Variants in HCN1 observed in about 807,000 individuals in gnomAD.
HCN1 encodes hyperpolarization activated cyclic nucleotide gated potassium channel 1.
Under a neutral mutation model 78.9 loss-of-function variants are expected in HCN1, and 13 were observed. The ratio of observed to expected loss-of-function variants is 0.16; its 90% confidence interval spans 0.11 to 0.26. HCN1 has a LOEUF of 0.26. HCN1 is among the 10% of genes least tolerant of loss of function. The pLI is 1.00. For missense variants in HCN1, 810 were observed against 1,154.3 expected (o/e 0.70, Z 4.32); for synonymous variants, 552 against 455.5 (o/e 1.21, Z -2.70).
chr5:45,295,603 T>C (rs777593578), intron 6 of HCN1, among the ~76,000 whole-genome samples: 2 of 152,034 alleles, frequency 1.3e-5, no homozygotes, highest in Admixed American at 1.3e-4. Flanking sequence ...AATCAAGTTA[T>C]GCACAGAATT....
chr5:45,666,588 T>C (rs925499771), intron 1 of HCN1, among the ~76,000 whole-genome samples: 1 of 152,044 alleles, frequency 6.6e-6, no homozygotes, highest in Non-Finnish European at 1.5e-5. Flanking sequence ...TTCATATACA[T>C]AAAATATTTT....
chr5:45,382,753 GA>G (rs1310884720), intron 4 of HCN1, among the ~76,000 whole-genome samples: 1 of 152,128 alleles, frequency 6.6e-6, no homozygotes, highest in Non-Finnish European at 1.5e-5. Flanking sequence ...GTGTGCCTTA[GA>G]AAGTACATTT....
At chr5:45,693,281 A>AAG (rs1250221395) in intron 1 of HCN1, among the ~76,000 whole-genome samples, 184 of 152,310 alleles carry the variant, frequency 1.2e-3, no homozygotes, top group African/African-American at 4.3e-3. Context: ...TAAGATGTAA[A>AAG]TATATTCTGA....
At chr5:45,382,716 A>C (rs1747834038) in intron 4 of HCN1, among the ~76,000 whole-genome samples, 1 of 152,176 alleles carries the variant, frequency 6.6e-6, no homozygotes, top group African/African-American at 2.4e-5. Flanking sequence ...GAATCTGATA[A>C]ACTATTCAAA....
intron 2 of HCN1, among the ~76,000 whole-genome samples, chr5:45,489,251 A>G (rs1741831695): frequency 6.6e-6 from 1 of 152,164 alleles, no homozygotes; most frequent in Admixed American, 6.6e-5. Context: ...GAGAATTAAT[A>G]GTTTTCTGTG....
At chr5:45,354,779 C>T (rs1746977856) in intron 4 of HCN1, among the ~76,000 whole-genome samples, 1 of 151,998 alleles carries the variant, frequency 6.6e-6, no homozygotes, top group South Asian at 2.1e-4. Context: ...AAGTAACTTG[C>T]TTGCTCAAAC....
chr5:45,346,046 C>T (rs1226296869), intron 5 of HCN1, among the ~76,000 whole-genome samples: 1 of 152,184 alleles, frequency 6.6e-6, no homozygotes, highest in Non-Finnish European at 1.5e-5. Context: ...TCCTTCTTTG[C>T]TTGGTGGCAG....
chr5:45,270,876 A>G (rs1329114434), intron 6 of HCN1, among the ~76,000 whole-genome samples: 1 of 152,172 alleles, frequency 6.6e-6, no homozygotes, highest in Non-Finnish European at 1.5e-5. Flanking sequence ...TGGAGCATAG[A>G]TATAAGTTTA....
intron 2 of HCN1, among the ~76,000 whole-genome samples, chr5:45,482,099 T>C (rs78648069): frequency 0.012 from 1,786 of 152,308 alleles, 35 homozygotes; most frequent in African/African-American, 0.04. Context: ...TTACCAGTTA[T>C]CTGATAAATT....
intron 6 of HCN1, among the ~76,000 whole-genome samples, chr5:45,275,970 G>A (rs1745049194): frequency 6.6e-6 from 1 of 151,990 alleles, no homozygotes; most frequent in Non-Finnish European, 1.5e-5. Flanking sequence ...AATGCAGCCA[G>A]CTTTTAAAAA....
chr5:45,566,988 C>G (rs1743720849), intron 2 of HCN1, among the ~76,000 whole-genome samples: 1 of 152,212 alleles, frequency 6.6e-6, no homozygotes, highest in Admixed American at 6.5e-5. Flanking sequence ...CACAGGCATT[C>G]CTTCCAGAGG....
chr5:45,312,253 T>A (rs1296597722), intron 5 of HCN1, among the ~76,000 whole-genome samples: 1 of 152,172 alleles, frequency 6.6e-6, no homozygotes, highest in Non-Finnish European at 1.5e-5. Context: ...AGATTTTAAA[T>A]TGAATTTTAT....
At chr5:45,497,254 C>G (rs1014554738) in intron 2 of HCN1, among the ~76,000 whole-genome samples, 2 of 151,954 alleles carry the variant, frequency 1.3e-5, no homozygotes, top group African/African-American at 4.8e-5. Context: ...TCCTGGGTAT[C>G]CTTGTTGACT....
intron 6 of HCN1, among the ~76,000 whole-genome samples, chr5:45,299,701 G>A (rs1745570210): frequency 6.6e-6 from 1 of 151,928 alleles, no homozygotes; most frequent in Non-Finnish European, 1.5e-5. Flanking sequence ...AACACAAGTG[G>A]CTTTATTTGT....
At chr5:45,591,161 C>G (rs1744351839) in intron 2 of HCN1, among the ~76,000 whole-genome samples, 1 of 152,092 alleles carries the variant, frequency 6.6e-6, no homozygotes, top group Non-Finnish European at 1.5e-5. Flanking sequence ...GTTTATTTAT[C>G]CATTCACCTA....
chr5:45,672,440 C>A (rs1026703499), intron 1 of HCN1, among the ~76,000 whole-genome samples: 40 of 151,302 alleles, frequency 2.6e-4, no homozygotes, highest in African/African-American at 9.4e-4. Flanking sequence ...ACGTTAAGTA[C>A]TTGCTAGTAT....
At chr5:45,350,139 A>C (rs976729233) in intron 5 of HCN1, among the ~76,000 whole-genome samples, 3 of 152,190 alleles carry the variant, frequency 2.0e-5, no homozygotes, top group Non-Finnish European at 4.4e-5. Flanking sequence ...AATACTGGCA[A>C]ACCGAATCCA....
rs1745674495 is a variant in HCN1, at chr5:45,303,818, G to C, written c.1399C>G (p.Arg467Gly). ...AAAGGCATTGTAGCCACCAGTTTCC[G>C]ACAGTTGAAGTTGACTATCTCCTAA... ...LREEIVNFNC[R>G]KLVATMPLFA... The change falls in exon 6 of 8, where the codon CGG becomes GGG. Residue 467 changes from arginine (R) to glycine (G), a missense_variant. This residue lies in a region of HCN1 where 100 missense variants were observed against 126.8 expected (regional missense o/e 0.79). Coordinates refer to ENST00000303230, the MANE Select transcript of HCN1 (RefSeq NM_021072.4). The C allele has an allele frequency of 6.2e-7, 1 of 1,613,086 alleles. No individual in the cohort carries two copies. Among genetic ancestry groups the C allele is most frequent in the Non-Finnish European group, 8.5e-7 (1 of 1,179,286 alleles).
chr5:45,569,222 G>C (rs1316586970), intron 2 of HCN1, among the ~76,000 whole-genome samples: 2 of 151,988 alleles, frequency 1.3e-5, no homozygotes, highest in Non-Finnish European at 2.9e-5. Context: ...TGGGTCTCTG[G>C]TTCTTCATTT....
Sources: allele counts gnomAD v4.1 joint callset (sites outside exome capture counted in the v4.1 genomes callset), GRCh38; gene constraint gnomAD v4.1.1; regional missense constraint gnomAD v4.1.1; transcripts MANE v1.5; gene names NCBI Gene and HGNC (gene_info 2026-07-23, HGNC 2026-07-21).